Variants in FTCD observed in about 807,000 individuals in gnomAD.
FTCD encodes the protein formimidoyltransferase cyclodeaminase.
A neutral mutation model predicts 62.9 loss-of-function variants in FTCD; 76 were observed. The ratio of observed to expected loss-of-function variants is 1.21; its 90% CI spans 1.00 to 1.46. The LOEUF is 1.46. FTCD is among the 40% of genes most tolerant of loss of function. The pLI, the probability that FTCD is intolerant of heterozygous loss-of-function variation, is 0.00. For missense variants in FTCD, 845 were observed against 751.3 expected (o/e 1.12, Z -1.46); for synonymous variants, 397 against 336.9 (o/e 1.18, Z -1.95).
chr21:46,137,372 C>G, intron 12 of FTCD, 38 bp from the exon 13 acceptor site: 1 of 1,458,798 alleles, frequency 6.9e-7, no homozygotes, highest in Non-Finnish European at 9.6e-7. Flanking sequence ...TGGATCAAGG[C>G]TGAGCAAACT....
At chr21:46,142,860 C>T (rs2079052448) in intron 10 of FTCD, 1 of 152,220 alleles carries the variant, frequency 6.6e-6, no homozygotes, top group Admixed American at 6.5e-5. Flanking sequence ...GTTTACAAAC[C>T]TTTAGCTAGA....
downstream of FTCD, chr21:46,136,332 G>A (rs986424826): frequency 6.3e-5 from 65 of 1,029,710 alleles, no homozygotes; most frequent in East Asian, 1.5e-3. Flanking sequence ...GGGAGCTGAG[G>A]CAGGGAGGAA....
At chr21:46,145,989 T>C (rs1568974307) in intron 8 of FTCD, 42 bp from the exon 9 acceptor site, 3 of 1,257,654 alleles carry the variant, frequency 2.4e-6, no homozygotes, top group Non-Finnish European at 2.2e-6. Flanking sequence ...CCGGGGTTGG[T>C]GGGGGGAGCG....
chr21:46,149,588 A>G (rs576640919), intron 7 of FTCD, among the ~76,000 whole-genome samples: 1 of 152,260 alleles, frequency 6.6e-6, no homozygotes, highest in East Asian at 1.9e-4. Flanking sequence ...ACCTCGAGTG[A>G]AAGGACAGAC....
chr21:46,139,976 G>A (rs569401003), intron 10 of FTCD, among the ~76,000 whole-genome samples: 30 of 152,324 alleles, frequency 2.0e-4, no homozygotes, highest in Admixed American at 3.3e-4. Flanking sequence ...AGGCCTGCCC[G>A]CCCGGTCCGT....
rs1449133996 is a variant in FTCD at position 46,152,947 on chromosome 21, C to T, written c.327G>A (p.Gln109=). The T allele has an allele frequency of 6.4e-7, 1 of 1,564,196 alleles. No homozygotes were observed. The change falls in exon 3 of 14, where the codon CAG becomes CAA. Residue 109 remains glutamine, a synonymous_variant. Transcript: ENST00000397746. ...CCTCTGCCAGCCTCTGGCCAAAGGC[C>T]TGGGCGCAGAGCACACACTCATCCA... ...VSVDECVLCA[Q]AFGQRLAEEL... is the part of the protein sequence containing the mutation.
intron 7 of FTCD, 81 bp downstream of exon 7, chr21:46,150,038 C>T: frequency 2.3e-6 from 3 of 1,301,802 alleles, no homozygotes; most frequent in South Asian, 1.2e-5. Flanking sequence ...GAAGCTGCGC[C>T]CCAGGGCTGT....
At position 46,153,089 on chromosome 21, in the gene FTCD, G is replaced by A; in HGVS notation, c.239-54C>T. 2.0e-6 allele frequency: 3 copies of A among 1,521,396 alleles called. No individual in the cohort carries two copies. In the South Asian group the frequency reaches 3.6e-5, roughly 18 times the overall value. The allele number at this position is 1,521,396 out of a possible 1,614,324, so 94.2% of individuals were successfully genotyped here. Reference sequence around the variant, plus strand: ...AGGCCAGGTGTGGGAGCGGGTGGGAGCTCCACGGGGTTCTCGGACCCTCTG... The same window carrying A: ...AGGCCAGGTGTGGGAGCGGGTGGGAACTCCACGGGGTTCTCGGACCCTCTG... On this transcript the variant is annotated intron_variant, in intron 2 of 13. Transcript: ENST00000397746.
At chr21:46,146,564 G>C in intron 7 of FTCD, 1 of 586,400 alleles carries the variant, frequency 1.7e-6, no homozygotes, top group Non-Finnish European at 3.0e-6. Flanking sequence ...CCATCACCCT[G>C]AGTTGCCCTT....
At chr21:46,137,186 G>C (rs573023410) in intron 13 of FTCD, 53 bp downstream of exon 13, 2 of 1,580,160 alleles carry the variant, frequency 1.3e-6, no homozygotes, top group African/African-American at 2.7e-5. Context: ...CCCTGAGGCT[G>C]TGAATCCAGG....
intron 4 of FTCD, 76 bp from the exon 5 acceptor site, chr21:46,151,813 G>C: frequency 1.3e-6 from 2 of 1,576,116 alleles, no homozygotes; most frequent in Admixed American, 3.6e-5. Context: ...GGAAGGAGGG[G>C]CCCGGCCCAG....
At chr21:46,153,410 C>T (rs972597254) in intron 2 of FTCD, among the ~76,000 whole-genome samples, 4 of 152,186 alleles carry the variant, frequency 2.6e-5, no homozygotes, top group East Asian at 1.9e-4. Context: ...CAGGCAGCCC[C>T]GGCCAGGCCA....
At position 46,150,160 on chromosome 21, in the gene FTCD, CCTT is replaced by C. The variant is rs1321726682; in HGVS notation, c.862_864del (p.Lys288del). On this transcript the variant is annotated inframe_deletion, in exon 7 of 14. Transcript: ENST00000397746. ...TCCTCCTCCAGGATGAAGAGGTTCT[CCTT>C]CTCGCAGTAGAAGGCGGCCGCATCC... 2.2e-5 allele frequency: 36 copies of C among 1,610,604 alleles called. No homozygotes were observed. The highest frequency in any genetic ancestry group is 2.9e-5 in the Non-Finnish European group (34 of 1,179,212).
In FTCD at chr21:46,152,973, C is replaced by G; in HGVS notation, c.301G>C (p.Val101Leu). The change falls in exon 3 of 14, where the codon GTG (valine) becomes CTG (leucine). Residue 101 changes from valine to leucine, a missense_variant. Physicochemically the swap from Val to Leu is conservative, Grantham distance 32. Transcript: ENST00000397746. ...CPFIPVRGVS[V>L]DECVLCAQAF... The stretch of plus-strand genomic sequence containing the variant: ...TGGGCGCAGAGCACACACTCATCCA[C>G]GCTGACGCCCCTCACGGGGATGAAG... 1 of 1,556,212 alleles carries G rather than the reference C, an allele frequency of 6.4e-7. No individual in the cohort carries two copies. The highest frequency in any genetic ancestry group is 1.4e-5 in the African/African-American group (1 of 73,752).
chr21:46,140,241 C>G (rs767861604), intron 10 of FTCD, among the ~76,000 whole-genome samples: 8 of 119,880 alleles, frequency 6.7e-5, no homozygotes, highest in Middle Eastern at 7.8e-3. Flanking sequence ...TCACAGGGTG[C>G]GTAAACCAAT....
intron 4 of FTCD, 34 bp from the exon 5 acceptor site, chr21:46,151,771 C>T (rs995867864): frequency 6.2e-7 from 1 of 1,610,916 alleles, no homozygotes. Flanking sequence ...TGAGACATCC[C>T]CCACGGGAGG....
At chr21:46,148,363 C>T (rs1031711109) in intron 7 of FTCD, among the ~76,000 whole-genome samples, 1 of 152,174 alleles carries the variant, frequency 6.6e-6, no homozygotes, top group Admixed American at 6.5e-5. Flanking sequence ...TTGGTGCACA[C>T]CTGTCGTCCC....
chr21:46,141,022 G>A (rs1306954728), intron 10 of FTCD, among the ~76,000 whole-genome samples: 4 of 152,210 alleles, frequency 2.6e-5, no homozygotes, highest in African/African-American at 7.2e-5. Context: ...TAAACCACAC[G>A]TCTTGTTTCC....
At chr21:46,146,400 T>G in intron 7 of FTCD, 73 bp from the exon 8 acceptor site, 14 of 1,041,842 alleles carry the variant, frequency 1.3e-5, no homozygotes, top group Non-Finnish European at 1.9e-5. Context: ...AACCCGCGGG[T>G]CCCACCCTTG....
Sources: gnomAD v4.1 joint callset for allele counts (sites outside exome capture counted in the v4.1 genomes callset) on GRCh38, gnomAD v4.1.1 for gene constraint, MANE v1.5 for transcripts, NCBI Gene and HGNC (gene_info 2026-07-23, HGNC 2026-07-21) for gene names.